The following LLGL2 variants were observed in gnomAD, a reference collection of about 807,000 sequenced individuals.
LLGL2 encodes LLGL scribble cell polarity complex component 2.
LLGL2 carries 81 observed loss-of-function variants against 123.2 expected under a neutral mutation model. The observed-to-expected ratio is 0.66, with a 90% CI of 0.55 to 0.79. The LOEUF (loss-of-function observed/expected upper bound fraction) is 0.79, where lower values mean the gene tolerates loss of function less well. Ranked by LOEUF, LLGL2 falls within the 30% of genes least tolerant of loss-of-function variation. LLGL2 has a pLI of 0.00. For synonymous variants in LLGL2, 577 were observed against 594.1 expected (o/e 0.97, Z 0.42); for missense variants, 1,273 against 1,414.6 (o/e 0.90, Z 1.61).
At position 75,568,651 on chromosome 17, in the gene LLGL2, C is replaced by G; in HGVS notation, c.1212C>G (p.Ile404Met). The G allele has an allele frequency of 6.2e-7, 1 of 1,613,858 alleles. No homozygotes were observed. The highest frequency in any genetic ancestry group is 8.5e-7 in the Non-Finnish European group (1 of 1,180,026). ...TCCCGCTGAAGCTGTGGGAGCGGATCATTGCCGCCGGCAGCCGGCAGAACG... is the reference window on the plus strand; with the variant it reads ...TCCCGCTGAAGCTGTGGGAGCGGATGATTGCCGCCGGCAGCCGGCAGAACG... Reference protein sequence around the residue: ...SNIPLKLWERIIAAGSRQNAH... With the variant: ...SNIPLKLWERMIAAGSRQNAH... Residue 404 changes from isoleucine (I) to methionine (M), a missense_variant, in exon 11 of 26, where the codon ATC (isoleucine) becomes ATG (methionine). Transcript: ENST00000392550.
In LLGL2 at chr17:75,573,493, T is replaced by A; in HGVS notation, c.2738T>A (p.Ile913Asn). ...FTKYGQGFYL[I>N]SPSEFERFSL... is the part of the protein sequence containing the mutation. ...CCCCACTCCCCAGGCTTCTACCTGA[T>A]CTCACCCTCGGAGTTTGAGCGCTTC... The change falls in exon 21 of 26, where the codon ATC becomes AAC. Residue 913 changes from isoleucine (I) to asparagine (N), a missense_variant. Transcript: ENST00000392550. 2 of 1,610,290 alleles carry A rather than the reference T, an allele frequency of 1.2e-6. No homozygotes were observed. Among genetic ancestry groups the A allele is most frequent in the Non-Finnish European group, 1.7e-6 (2 of 1,177,762 alleles).
At chr17:75,540,515 G>A (rs2054166939) in intron 1 of LLGL2, among the ~76,000 whole-genome samples, 1 of 152,194 alleles carries the variant, frequency 6.6e-6, no homozygotes, top group Non-Finnish European at 1.5e-5. Flanking sequence ...GCCAGACCTC[G>A]CCAGCACCCT....
Position 75,558,080 on chromosome 17 carries a change from C to T in LLGL2, c.174-75C>T, listed in dbSNP as rs2054998230. 1 of 1,379,972 alleles carries T rather than the reference C, an allele frequency of 7.2e-7. No individual in the cohort carries two copies. The highest frequency in any genetic ancestry group is 1.2e-5 in the South Asian group (1 of 86,314). The allele number at this position is 1,379,972 out of a possible 1,614,324, so 85.5% of individuals were successfully genotyped here. On this transcript the variant is annotated intron_variant, in intron 3 of 25. Transcript: ENST00000392550. The surrounding 1 kb of genome is among the most constrained non-coding windows in gnomAD (Gnocchi z 4.0). The stretch of plus-strand genomic sequence containing the variant: ...CTGTGTTTGCATCATTGCACATGGG[C>T]CCCGAGGGCCTGGCACTCAAGGCAG...
intron 1 of LLGL2, chr17:75,542,876 C>T (rs774279278): frequency 6.6e-6 from 1 of 152,376 alleles, no homozygotes; most frequent in Non-Finnish European, 1.5e-5. Context: ...GGACAGCCTT[C>T]CCCGAGGTCA....
At chr17:75,562,879 G>T in intron 6 of LLGL2, 137 bp from the exon 7 acceptor site, 1 of 1,122,534 alleles carries the variant, frequency 8.9e-7, no homozygotes, top group South Asian at 1.5e-5. Context: ...CATCCACTGC[G>T]CCCAGCCCCT....
intron 1 of LLGL2, among the ~76,000 whole-genome samples, chr17:75,532,077 C>CACACACT (rs58220046): frequency 1.2e-4 from 10 of 83,996 alleles, no homozygotes; most frequent in African/African-American, 3.5e-4. Flanking sequence ...CACACACACA[C>CACACACT]TTTTTTTTTT....
intron 1 of LLGL2, chr17:75,538,536 G>A (rs923525901): frequency 1.1e-4 from 16 of 152,184 alleles, no homozygotes; most frequent in African/African-American, 3.4e-4. Flanking sequence ...AACAGATAAC[G>A]AGTGAGGACT....
intron 1 of LLGL2, among the ~76,000 whole-genome samples, chr17:75,526,394 T>G (rs543997088): frequency 6.6e-6 from 1 of 152,234 alleles, no homozygotes; most frequent in Non-Finnish European, 1.5e-5. Context: ...CACCTTCACA[T>G]GACAGTGCGG....
chr17:75,543,943 A>T (rs1228593117), intron 2 of LLGL2, among the ~76,000 whole-genome samples: 1 of 152,060 alleles, frequency 6.6e-6, no homozygotes, highest in Non-Finnish European at 1.5e-5. Flanking sequence ...CTCCCTTCTC[A>T]AATTGCCCCT....
intron 2 of LLGL2, among the ~76,000 whole-genome samples, chr17:75,550,484 C>G (rs1036337458): frequency 7.9e-6 from 1 of 126,630 alleles, no homozygotes; most frequent in African/African-American, 3.0e-5. Context: ...GGAAGGGCAC[C>G]AAAGTAAGGG....
At position 75,549,672 on chromosome 17, in the gene LLGL2, G is replaced by T. The variant is rs947767908; in HGVS notation, c.75+6171G>T. 3.3e-5 allele frequency among the ~76,000 whole-genome samples: 5 copies of T among 152,218 alleles called. No individual in the cohort carries two copies. The highest frequency in any genetic ancestry group is 5.9e-5 in the Non-Finnish European group (4 of 68,028). On this transcript the variant is annotated intron_variant, in intron 2 of 25. Transcript: ENST00000392550. This position sits in a 1 kb window ranked among gnomAD's most constrained non-coding sequence, Gnocchi z 4.0. The stretch of plus-strand genomic sequence containing the variant: ...CAGAGTGGCCCGGCCAGGCAGGAGT[G>T]CTCCCCCAAGGTGCTGGGCAGCCTC...
At chr17:75,542,835 CTGGT>C (rs1213088383) in intron 1 of LLGL2, 2 of 152,436 alleles carry the variant, frequency 1.3e-5, no homozygotes, top group Non-Finnish European at 2.9e-5. Flanking sequence ...ATGGCTGTGG[CTGGT>C]TGGAGAGGCT....
chr17:75,540,560 CG>C (rs2054168717), intron 1 of LLGL2, among the ~76,000 whole-genome samples: 1 of 152,216 alleles, frequency 6.6e-6, no homozygotes, highest in East Asian at 1.9e-4. Flanking sequence ...CCCAGACTGC[CG>C]GGTCGGCTCT....
chr17:75,560,888 G>A (rs1316108493), intron 6 of LLGL2, among the ~76,000 whole-genome samples: 2 of 145,458 alleles, frequency 1.4e-5, no homozygotes, highest in Non-Finnish European at 3.0e-5. Flanking sequence ...CCGAAGTGCA[G>A]TGGCAAGATC....
At chr17:75,538,961 T>G (rs768932278) in intron 1 of LLGL2, among the ~76,000 whole-genome samples, 1 of 152,072 alleles carries the variant, frequency 6.6e-6, no homozygotes, top group Non-Finnish European at 1.5e-5. Context: ...GGTACAGTCA[T>G]AGCTCACAGC....
At position 75,558,412 on chromosome 17, in the gene LLGL2, G is replaced by T; in HGVS notation, c.256-100G>T. The T allele has an allele frequency of 8.4e-7, 1 of 1,191,686 alleles. No individual in the cohort carries two copies. The allele number at this position is 1,191,686 out of a possible 1,614,324, so 73.8% of individuals were successfully genotyped here. A position where few individuals can be genotyped will look rare whatever the true frequency, so the allele number is the denominator to read the frequency against. ...GGGCTCATGGGCCACCCTGGGAGTGGCCAGGGGGTCTTTTAAACAACTGGG... is the reference window on the plus strand; with the variant it reads ...GGGCTCATGGGCCACCCTGGGAGTGTCCAGGGGGTCTTTTAAACAACTGGG... On this transcript the variant is annotated intron_variant, in intron 4 of 25. Transcript: ENST00000392550. The surrounding 1 kb of genome is among the most constrained non-coding windows in gnomAD (Gnocchi z 4.0).
In LLGL2 at chr17:75,543,476, A is replaced by T. The variant is rs1264619960; in HGVS notation, c.50A>T (p.Lys17Met). The change falls in exon 2 of 26, where the codon AAG becomes ATG. Residue 17 changes from lysine (K) to methionine (M), a missense_variant. Physicochemically the swap from Lys to Met is moderately conservative, Grantham distance 95 (BLOSUM62 -1). Coordinates refer to ENST00000392550, the MANE Select transcript of LLGL2 (RefSeq NM_001031803.2). Reference sequence around the variant, plus strand: ...CATGACCCTGTGCGGGAGAGGCTCAAGCGGGACCTGTTCCAGTTTAACAAG... The same window carrying T: ...CATGACCCTGTGCGGGAGAGGCTCATGCGGGACCTGTTCCAGTTTAACAAG... ...PGHDPVRERL[K>M]RDLFQFNKTV... 1 of 1,612,168 alleles carries T rather than the reference A, an allele frequency of 6.2e-7. No individual in the cohort carries two copies. Among genetic ancestry groups the T allele is most frequent in the Non-Finnish European group, 8.5e-7 (1 of 1,178,890 alleles).
chr17:75,526,920 C>A (rs2053593857), intron 1 of LLGL2, among the ~76,000 whole-genome samples: 1 of 152,018 alleles, frequency 6.6e-6, no homozygotes, highest in Admixed American at 6.6e-5. Flanking sequence ...GTAATCCCAG[C>A]ACTTTGGGAA....
Position 75,558,234 on chromosome 17 carries a change from C to A in LLGL2, c.253C>A (p.Gln85Lys). The change falls in exon 4 of 26, where the codon CAG becomes AAG. Residue 85 changes from glutamine (Q) to lysine (K), a missense_variant and splice_region_variant. Transcript: ENST00000392550. The surrounding 1 kb of genome is among the most constrained non-coding windows in gnomAD (Gnocchi z 4.0). ...GACGCAGATCCACCTCCTGCCCGGC[C>A]AGGTGAGGGACCTGGGGTGGGACAG... ...AVTQIHLLPG[Q>K]CQLVTLLDDN... 3 of 1,611,812 alleles carry A rather than the reference C, an allele frequency of 1.9e-6. No homozygotes were observed. Among genetic ancestry groups the A allele is most frequent in the Non-Finnish European group, 2.5e-6 (3 of 1,179,210 alleles).
Sources: gnomAD v4.1 joint callset for allele counts (sites outside exome capture counted in the v4.1 genomes callset) on GRCh38, gnomAD v4.1.1 for gene constraint, Gnocchi (gnomAD v3.1) non-coding constraint, MANE v1.5 for transcripts, NCBI Gene and HGNC (gene_info 2026-07-23, HGNC 2026-07-21) for gene names.